LRRC37B: variants seen among roughly 807,000 people sequenced by gnomAD.
LRRC37B encodes the protein leucine rich repeat containing 37B.
LRRC37B carries 28 observed loss-of-function variants against 98.3 expected under a neutral mutation model. The observed-to-expected ratio is 0.28, with a 90% CI of 0.21 to 0.39. The LOEUF is 0.39. Among genes scored for constraint, LRRC37B ranks in the 10% least tolerant of loss-of-function variants. The pLI is 1.00. For synonymous variants in LRRC37B, 364 were observed against 442.7 expected (o/e 0.82, Z 2.23); for missense variants, 938 against 1,182.7 (o/e 0.79, Z 3.03).
At chr17:32,041,738 G>T (rs1269909998) in intron 7 of LRRC37B, 8 of 457,596 alleles carry the variant, frequency 1.7e-5, no homozygotes, top group Non-Finnish European at 3.1e-5. Context: ...AACTAGCGCT[G>T]ACCCCTAACG....
intron 7 of LRRC37B, among the ~76,000 whole-genome samples, chr17:32,043,470 A>T (rs1911499988): frequency 6.6e-6 from 1 of 152,178 alleles, no homozygotes; most frequent in African/African-American, 2.4e-5. Context: ...CTGAGGCGGG[A>T]GGATCACTTG....
intron 7 of LRRC37B, among the ~76,000 whole-genome samples, chr17:32,036,455 A>G (rs1911246745): frequency 6.6e-6 from 1 of 152,224 alleles, no homozygotes; most frequent in Non-Finnish European, 1.5e-5. Context: ...TACAACAATA[A>G]AACAGTAGAA....
chr17:32,047,807 G>A (rs768051910), exon 9 of LRRC37B: 6 of 1,614,086 alleles, frequency 3.7e-6, no homozygotes, highest in Non-Finnish European at 4.2e-6. Flanking sequence ...TCATGAAGAT[G>A]TTACAAGCCC....
exon 1 of LRRC37B, chr17:32,022,211 G>A (rs1381233566): frequency 6.2e-7 from 1 of 1,613,286 alleles, no homozygotes; most frequent in Admixed American, 1.7e-5. Flanking sequence ...TGACTTCAGA[G>A]CCTAAAAATG....
chr17:32,009,906 A>G (rs1385081764), intron 1 of LRRC37B, among the ~76,000 whole-genome samples: 1 of 152,148 alleles, frequency 6.6e-6, no homozygotes, highest in Non-Finnish European at 1.5e-5. Flanking sequence ...TTGGCCTCCC[A>G]AAGTGCTGGG....
upstream of LRRC37B, among the ~76,000 whole-genome samples, chr17:32,019,560 C>T (rs1910718174): frequency 2.0e-5 from 3 of 152,104 alleles, no homozygotes; most frequent in Non-Finnish European, 1.5e-5. Flanking sequence ...TAATTATTTA[C>T]TATTTATGGA....
intron 7 of LRRC37B, chr17:32,042,285 C>A (rs1911462442): frequency 2.3e-5 from 4 of 175,844 alleles, no homozygotes; most frequent in South Asian, 2.7e-4. Context: ...TTTAACTGCC[C>A]CCAGCCAGGC....
At chr17:32,045,750 T>C (rs753032273) in exon 8 of LRRC37B, 11 of 1,602,388 alleles carry the variant, frequency 6.9e-6, no homozygotes, top group South Asian at 2.2e-5. Flanking sequence ...AAAAATAGCA[T>C]TGAGGCTGTC....
intron 6 of LRRC37B, 29 bp downstream of exon 9, chr17:32,035,010 T>C: frequency 7.1e-7 from 1 of 1,403,284 alleles, no homozygotes; most frequent in Non-Finnish European, 9.9e-7. Flanking sequence ...TCATGAGTCA[T>C]GAGATGATTT....
chr17:32,018,055 G>A (rs1455619350), upstream of LRRC37B: 6 of 206,626 alleles, frequency 2.9e-5, no homozygotes, highest in Non-Finnish European at 2.1e-5. Context: ...TTTAATTCAA[G>A]TATGTGGAGA....
upstream of LRRC37B, among the ~76,000 whole-genome samples, chr17:32,019,807 C>A (rs112736779): frequency 6.6e-6 from 1 of 152,170 alleles, no homozygotes; most frequent in Non-Finnish European, 1.5e-5. Flanking sequence ...CTGATTATAA[C>A]AATAGATCCA....
At chr17:32,027,218 G>C (rs535942143) in intron 2 of LRRC37B, among the ~76,000 whole-genome samples, 1 of 152,160 alleles carries the variant, frequency 6.6e-6, no homozygotes, top group African/African-American at 2.4e-5. Flanking sequence ...AGGTTCTGCA[G>C]ATCTTGGTGC....
chr17:32,018,930 TTTG>T (rs534146175), upstream of LRRC37B, among the ~76,000 whole-genome samples: 5 of 152,154 alleles, frequency 3.3e-5, no homozygotes, highest in South Asian at 2.1e-4. Flanking sequence ...CATTTTTATC[TTTG>T]TTGTTGTTGT....
rs771157635 is a variant in LRRC37B, at chr17:32,053,237, A to G, written c.2863-29A>G. The G allele has an allele frequency of 2.3e-5, 36 of 1,538,114 alleles. No individual in the cohort carries two copies. In the East Asian group the frequency reaches 7.7e-4, roughly 33 times the overall value. On this transcript the variant is annotated intron_variant, in intron 11 of 11. Transcript: ENST00000327564. The stretch of plus-strand genomic sequence containing the variant: ...GGAGATAGTGGTTGTTGTGATAGAT[A>G]ACCTTAATTGTGTTTTCTTCCAAAA...
At chr17:32,022,567 A>G (rs1910830938) in exon 1 of LRRC37B, 2 of 1,613,882 alleles carry the variant, frequency 1.2e-6, no homozygotes, top group Admixed American at 3.3e-5. Context: ...AGAGCTCCTC[A>G]TCCAGACCAG....
At chr17:32,049,981 C>CTTTTTTTTTTCT in intron 10 of LRRC37B, 22 bp from the exon 14 acceptor site, 1 of 1,238,056 alleles carries the variant, frequency 8.1e-7, no homozygotes, top group East Asian at 2.6e-5. Context: ...TTTCTTTTTT[C>CTTTTTTTTTTCT]TTTTTTTTTT....
chr17:32,022,338 C>A, exon 1 of LRRC37B: 1 of 1,614,002 alleles, frequency 6.2e-7, no homozygotes, highest in Non-Finnish European at 8.5e-7. Flanking sequence ...TGAGGTGACA[C>A]TTCCACCTTC....
chr17:32,031,629 A>T (rs1223677051), intron 5 of LRRC37B, among the ~76,000 whole-genome samples, 171 bp downstream of exon 8: 8 of 151,844 alleles, frequency 5.3e-5, no homozygotes, highest in Non-Finnish European at 1.2e-4. Flanking sequence ...AGAGACTTAC[A>T]CAGTTTATAT....
At chr17:32,024,627 C>G in intron 1 of LRRC37B, 84 bp from the exon 5 acceptor site, 1 of 1,603,950 alleles carries the variant, frequency 6.2e-7, no homozygotes, top group Non-Finnish European at 8.5e-7. Context: ...CCGAATATCC[C>G]CGACAAGGTT....
Sources: allele counts gnomAD v4.1 joint callset (sites outside exome capture counted in the v4.1 genomes callset), GRCh38; gene constraint gnomAD v4.1.1; transcripts MANE v1.5; gene names NCBI Gene and HGNC (gene_info 2026-07-23, HGNC 2026-07-21).